Variants in ELOVL5 observed in about 807,000 individuals in gnomAD.
ELOVL5 encodes the protein very long chain fatty acid elongase 5.
ELOVL5 carries 8 observed loss-of-function variants against 38.6 expected under a neutral mutation model. The ratio of observed to expected loss-of-function variants is 0.21; its 90% CI spans 0.12 to 0.37. ELOVL5 has a LOEUF of 0.37. Among genes scored for constraint, ELOVL5 ranks in the 10% least tolerant of loss-of-function variants. ELOVL5 has a pLI of 1.00. For missense variants in ELOVL5, 280 were observed against 367.8 expected, an observed-to-expected ratio of 0.76 and a Z score of 1.95; for synonymous variants, 127 against 133.7, an observed-to-expected ratio of 0.95 and a Z score of 0.34.
intron 6 of ELOVL5, among the ~76,000 whole-genome samples, chr6:53,272,122 T>C (rs1765951714): frequency 6.6e-6 from 1 of 152,176 alleles, no homozygotes; most frequent in Non-Finnish European, 1.5e-5. Context: ...TTTTTTCAGA[T>C]TGTTATTTTT....
At chr6:53,346,453 T>C (rs761719116) in intron 1 of ELOVL5, among the ~76,000 whole-genome samples, 4 of 152,176 alleles carry the variant, frequency 2.6e-5, no homozygotes, top group African/African-American at 9.7e-5. Flanking sequence ...TTATAAGAAT[T>C]ACGTGTGGAA....
chr6:53,299,075 T>C (rs1767141377), intron 1 of ELOVL5, among the ~76,000 whole-genome samples: 1 of 152,162 alleles, frequency 6.6e-6, no homozygotes, highest in Non-Finnish European at 1.5e-5. Flanking sequence ...GGAGCATACC[T>C]GGTGACCTAG....
intron 1 of ELOVL5, among the ~76,000 whole-genome samples, chr6:53,305,223 C>T (rs1209698988): frequency 3.3e-5 from 5 of 149,722 alleles, no homozygotes; most frequent in African/African-American, 9.8e-5. Flanking sequence ...ACCTCCCTCC[C>T]GGACGGGGCG....
At chr6:53,306,751 A>G (rs961989055) in intron 1 of ELOVL5, among the ~76,000 whole-genome samples, 2 of 152,222 alleles carry the variant, frequency 1.3e-5, no homozygotes, top group African/African-American at 4.8e-5. Flanking sequence ...TTATCATCTT[A>G]AAGCTGCCAA....
chr6:53,337,664 C>A lies in ELOVL5; in HGVS notation c.-9+11153G>T, dbSNP rs1053538249. On this transcript the variant is annotated intron_variant, in intron 1 of 7. Transcript: ENST00000304434. ...CATTCAGGCACGTAATTGCTAGATA[C>A]CTACACTATGTGCCAGATAAACATG... Among the ~76,000 whole-genome samples the A allele has an allele frequency of 1.6e-4, 25 of 152,312 alleles. 1 individual carries two copies. The highest frequency in any genetic ancestry group is 5.3e-4 in the African/African-American group (22 of 41,570).
At chr6:53,325,470 C>T (rs544457177) in intron 1 of ELOVL5, among the ~76,000 whole-genome samples, 1 of 152,296 alleles carries the variant, frequency 6.6e-6, no homozygotes, top group South Asian at 2.1e-4. Flanking sequence ...GTCAAGTATT[C>T]ATAAGCACTC....
At chr6:53,304,898 A>T (rs560406159) in intron 1 of ELOVL5, among the ~76,000 whole-genome samples, 19 of 152,224 alleles carry the variant, frequency 1.2e-4, no homozygotes, top group African/African-American at 4.3e-4. Flanking sequence ...TATTCCACAA[A>T]ACCACCATTG....
rs1438136446 is a variant in ELOVL5 at position 53,321,730 on chromosome 6, T to G, written c.-8-26023A>C. ...TCTAATGTAAAACACTATACTAGTA[T>G]GTCAGAAATATAAATCATACCGAAA... On this transcript the variant is annotated intron_variant, in intron 1 of 7. Transcript: ENST00000304434. Among the ~76,000 whole-genome samples, 6 of 152,350 alleles carry G rather than the reference T, an allele frequency of 3.9e-5. No individual in the cohort carries two copies. In the East Asian group the frequency reaches 9.6e-4, roughly 24 times the overall value.
chr6:53,298,906 G>A lies in ELOVL5; in HGVS notation c.-8-3199C>T, dbSNP rs567732084. 1.9e-4 allele frequency among the ~76,000 whole-genome samples: 29 copies of A among 149,236 alleles called. 1 individual carries two copies. The highest frequency in any genetic ancestry group is 6.5e-4 in the African/African-American group (26 of 40,226). On this transcript the variant is annotated intron_variant, in intron 1 of 7. Coordinates refer to ENST00000304434, the MANE Select transcript of ELOVL5 (RefSeq NM_021814.5). ...AGAGAAGGTGGGGGCAAGGCGGGGG[G>A]GGGGAGTTGATAATATATCAGGAGA...
At chr6:53,294,207 CG>C in intron 2 of ELOVL5, 1 of 1,478,460 alleles carries the variant, frequency 6.8e-7, no homozygotes, top group Non-Finnish European at 9.0e-7. Context: ...GCACCTGACC[CG>C]AACTCCAGCC....
chr6:53,280,103 A>G (rs2127569752), intron 3 of ELOVL5, among the ~76,000 whole-genome samples: 1 of 152,328 alleles, frequency 6.6e-6, no homozygotes, highest in East Asian at 1.9e-4. Flanking sequence ...TTTCCCAGAA[A>G]TTCTTCAAGT....
chr6:53,304,798 CA>C (rs1229522378), intron 1 of ELOVL5, among the ~76,000 whole-genome samples: 3 of 152,040 alleles, frequency 2.0e-5, no homozygotes, highest in African/African-American at 7.3e-5. Context: ...TAGTACAGAA[CA>C]AAATGAAAAA....
intron 2 of ELOVL5, chr6:53,294,359 ACTT>A (rs1354361370): frequency 6.4e-7 from 1 of 1,570,868 alleles, no homozygotes; most frequent in African/African-American, 1.4e-5. Flanking sequence ...CTGGGAAACA[ACTT>A]CTTTATGCTT....
intron 1 of ELOVL5, among the ~76,000 whole-genome samples, chr6:53,347,536 G>A (rs999924750): frequency 2.0e-5 from 3 of 152,144 alleles, no homozygotes; most frequent in African/African-American, 7.2e-5. Flanking sequence ...GCGGTTAGGA[G>A]AATGAGTTAC....
At chr6:53,306,776 G>T (rs1767597939) in intron 1 of ELOVL5, among the ~76,000 whole-genome samples, 2 of 152,148 alleles carry the variant, frequency 1.3e-5, no homozygotes, top group South Asian at 2.1e-4. Context: ...ATTTTCTTTT[G>T]AAACTAGAAG....
At chr6:53,305,196 C>CA (rs1238372700) in intron 1 of ELOVL5, among the ~76,000 whole-genome samples, 1 of 142,464 alleles carries the variant, frequency 7.0e-6, no homozygotes, top group Non-Finnish European at 1.5e-5. Context: ...GCTGGCTGGG[C>CA]GCGGGGCTGA....
At chr6:53,322,408 G>T (rs899923283) in intron 1 of ELOVL5, among the ~76,000 whole-genome samples, 1 of 152,114 alleles carries the variant, frequency 6.6e-6, no homozygotes, top group African/African-American at 2.4e-5. Context: ...TATGTTATTA[G>T]TATTACTGTC....
At chr6:53,335,863 G>C (rs971666776) in intron 1 of ELOVL5, among the ~76,000 whole-genome samples, 1 of 152,140 alleles carries the variant, frequency 6.6e-6, no homozygotes, top group Non-Finnish European at 1.5e-5. Flanking sequence ...CACCATCCGC[G>C]CTTCTACTTT....
intron 1 of ELOVL5, among the ~76,000 whole-genome samples, chr6:53,334,623 A>ACCAATTCCACCCAATCCTGCATCC (rs1403440608): frequency 3.9e-5 from 6 of 152,118 alleles, no homozygotes; most frequent in Non-Finnish European, 8.8e-5. Context: ...AAAAGTTTTG[A>ACCAATTCCACCCAATCCTGCATCC]CCAATTCCAC....
Sources: gnomAD v4.1 joint callset for allele counts (sites outside exome capture counted in the v4.1 genomes callset) on GRCh38, gnomAD v4.1.1 for gene constraint, MANE v1.5 for transcripts, NCBI Gene and HGNC (gene_info 2026-07-23, HGNC 2026-07-21) for gene names.